RNFT2: variants seen among roughly 807,000 people sequenced by gnomAD.
The protein encoded by RNFT2 is E3 ubiquitin-protein ligase RNFT2.
Under a neutral mutation model 53.0 loss-of-function variants are expected in RNFT2, and 36 were observed. That is an observed-to-expected ratio of 0.68 (90% CI 0.52 to 0.90). RNFT2 has a LOEUF of 0.90. RNFT2 is among the 40% of genes least tolerant of loss of function. The pLI is 0.00. For missense variants in RNFT2, 514 were observed against 585.6 expected, an observed-to-expected ratio of 0.88 and a Z score of 1.26; for synonymous variants, 260 against 253.2, an observed-to-expected ratio of 1.03 and a Z score of -0.26.
At chr12:116,799,397 A>G (rs1291385229) in intron 7 of RNFT2, among the ~76,000 whole-genome samples, 11 of 152,172 alleles carry the variant, frequency 7.2e-5, no homozygotes, top group Non-Finnish European at 1.5e-4. Flanking sequence ...CCTCAATTAT[A>G]TCTCCAAAAT....
intron 5 of RNFT2, among the ~76,000 whole-genome samples, chr12:116,760,584 C>A (rs990952808): frequency 3.3e-5 from 5 of 152,152 alleles, no homozygotes; most frequent in African/African-American, 4.8e-5. Context: ...AAGTTGGAAA[C>A]TTCTCCTGCA....
chr12:116,849,515 G>A lies in RNFT2; in HGVS notation c.*67G>A. On this transcript the variant is annotated 3_prime_UTR_variant, in exon 11 of 11. Transcript: ENST00000257575. ...CATGCCCGGACCCAGCCCTGCGGGG[G>A]CTTCCTGAGAAACAGGCCTCAAGCA... The A allele has an allele frequency of 6.7e-7, 1 of 1,495,462 alleles. No homozygotes were observed. The allele number at this position is 1,495,462 out of a possible 1,614,324, so 92.6% of individuals were successfully genotyped here. A position where few individuals can be genotyped will look rare whatever the true frequency, so the allele number is the denominator to read the frequency against.
At chr12:116,819,015 C>G (rs1875845284) in intron 7 of RNFT2, among the ~76,000 whole-genome samples, 1 of 152,232 alleles carries the variant, frequency 6.6e-6, no homozygotes, top group African/African-American at 2.4e-5. Flanking sequence ...GCCACCCTTC[C>G]CTACGTGGGT....
intron 7 of RNFT2, among the ~76,000 whole-genome samples, chr12:116,789,515 G>A (rs1592959497): frequency 6.9e-6 from 1 of 145,062 alleles, no homozygotes; most frequent in Non-Finnish European, 1.5e-5. Context: ...GTAAATGGGA[G>A]GAGAGTGGAT....
At position 116,851,461 on chromosome 12, in the gene RNFT2, G is replaced by A. The variant is rs1337007115; in HGVS notation, c.*2013G>A. On this transcript the variant is annotated 3_prime_UTR_variant, in exon 11 of 11. Transcript: ENST00000257575. ...GTCTTCTAAAAGCACACGAGAGGCC[G>A]GGTGTGGTGGCCCATGCCTGTAGTG... 15 of 420,446 alleles carry A rather than the reference G, an allele frequency of 3.6e-5. No homozygotes were observed. Among genetic ancestry groups the A allele is most frequent in the Non-Finnish European group, 4.4e-5 (10 of 229,168 alleles). The allele number at this position is 420,446 out of a possible 1,614,324, so 26.0% of individuals were successfully genotyped here. A position where few individuals can be genotyped will look rare whatever the true frequency, so the allele number is the denominator to read the frequency against.
Position 116,828,645 on chromosome 12 carries a change from A to C in RNFT2, c.883-5147A>C, listed in dbSNP as rs1272623690. On this transcript the variant is annotated intron_variant, in intron 7 of 10. Transcript: ENST00000257575. ...TAGGTGTCCAGAAATGGAAGCAAGG[A>C]TGGGAGGGAAGAAGAAAGGGAGTGG... is the stretch of plus-strand genomic sequence containing the variant. 2.0e-5 allele frequency among the ~76,000 whole-genome samples: 3 copies of C among 152,024 alleles called. No homozygotes were observed. The East Asian group carries it at 5.8e-4, about 29-fold the overall frequency.
intron 5 of RNFT2, among the ~76,000 whole-genome samples, chr12:116,757,598 C>A (rs1872560370): frequency 6.6e-6 from 1 of 152,056 alleles, no homozygotes; most frequent in South Asian, 2.1e-4. Flanking sequence ...CATTCAGGAG[C>A]AGGTTATTTA....
In RNFT2 at chr12:116,849,826, C is replaced by CACCT. The variant is rs1877821342; in HGVS notation, c.*378_*379insACCT. On this transcript the variant is annotated 3_prime_UTR_variant, in exon 11 of 11. Transcript: ENST00000257575. ...TCTCTCTCTCTGTTTCCCTCCCTCCCTCCTTCCTTCCTTCCTTCCTTTTTT... is the reference window on the plus strand; with the variant it reads ...TCTCTCTCTCTGTTTCCCTCCCTCCCACCTTCCTTCCTTCCTTCCTTCCTTTTTT... The CACCT allele has an allele frequency of 2.0e-5, 3 of 150,816 alleles. No individual in the cohort carries two copies. Among genetic ancestry groups the CACCT allele is most frequent in the Non-Finnish European group, 3.1e-5 (3 of 96,414 alleles). The allele number at this position is 150,816 out of a possible 1,614,324, so 9.3% of individuals were successfully genotyped here. A position where few individuals can be genotyped will look rare whatever the true frequency, so the allele number is the denominator to read the frequency against.
rs911126483 is a variant in RNFT2 at position 116,853,331 on chromosome 12, G to A, written c.*3883G>A. The stretch of plus-strand genomic sequence containing the variant: ...TATGATTCACTGACTCAAGTTCCAC[G>A]AAGTCCTTAGAAATGGACCTCTTCA... On this transcript the variant is annotated 3_prime_UTR_variant, in exon 11 of 11. Coordinates refer to ENST00000257575, the MANE Select transcript of RNFT2 (RefSeq NM_001382266.1). 8 of 397,122 alleles carry A rather than the reference G, an allele frequency of 2.0e-5. No homozygotes were observed. Among genetic ancestry groups the A allele is most frequent in the Admixed American group, 1.3e-4 (3 of 22,656 alleles). The allele number at this position is 397,122 out of a possible 1,614,324, so 24.6% of individuals were successfully genotyped here. A position where few individuals can be genotyped will look rare whatever the true frequency, so the allele number is the denominator to read the frequency against.
intron 7 of RNFT2, among the ~76,000 whole-genome samples, chr12:116,818,366 G>C (rs1342417410): frequency 6.6e-6 from 1 of 151,960 alleles, no homozygotes; most frequent in Non-Finnish European, 1.5e-5. Flanking sequence ...ACCTGGGCTG[G>C]TAATATCCCT....
rs771617567 is a variant in RNFT2, at chr12:116,766,855, T to C, written c.669T>C (p.Phe223=). 6 of 1,599,226 alleles carry C rather than the reference T, an allele frequency of 3.8e-6. No homozygotes were observed. The highest frequency in any genetic ancestry group is 5.1e-6 in the Non-Finnish European group (6 of 1,172,576). ...SVLVILWILA[F]LAGNTLYVLY... ...TGGTCATCTTGTGGATCCTGGCCTT[T>C]CTGGCGGGGAACACCCTCTATGTGC... is the stretch of plus-strand genomic sequence containing the variant. The change falls in exon 6 of 11, where the codon TTT becomes TTC. Residue 223 remains phenylalanine, a synonymous_variant. Coordinates refer to ENST00000257575, the MANE Select transcript of RNFT2 (RefSeq NM_001382266.1).
intron 6 of RNFT2, among the ~76,000 whole-genome samples, chr12:116,772,625 T>C (rs79932938): frequency 0.017 from 2,602 of 152,058 alleles, 100 homozygotes; most frequent in East Asian, 0.15. Flanking sequence ...TTATTTTTAA[T>C]TGTGAAAATT....
chr12:116,754,061 G>A lies in RNFT2; in HGVS notation c.627+1G>A. The A allele has an allele frequency of 5.0e-6, 8 of 1,613,332 alleles. No individual in the cohort carries two copies. Among genetic ancestry groups the A allele is most frequent in the Non-Finnish European group, 6.8e-6 (8 of 1,179,466 alleles). ...GCTTCGAGAACAGGTCTCACTGAAGGTGAGTCACTTTCCGACCTAGTCTCC... is the reference window on the plus strand; with the variant it reads ...GCTTCGAGAACAGGTCTCACTGAAGATGAGTCACTTTCCGACCTAGTCTCC... On this transcript the variant is annotated splice_donor_variant, in intron 5 of 10. Coordinates refer to ENST00000257575, the MANE Select transcript of RNFT2 (RefSeq NM_001382266.1). LOFTEE classifies it high-confidence loss of function.
At chr12:116,825,582 G>A (rs1462369706) in intron 7 of RNFT2, among the ~76,000 whole-genome samples, 2 of 152,222 alleles carry the variant, frequency 1.3e-5, no homozygotes, top group Non-Finnish European at 2.9e-5. Flanking sequence ...AGAGCCAATG[G>A]TTACATTTTC....
chr12:116,763,674 G>A (rs1872785141), intron 5 of RNFT2, among the ~76,000 whole-genome samples: 1 of 151,890 alleles, frequency 6.6e-6, no homozygotes, highest in African/African-American at 2.4e-5. Flanking sequence ...AGCTACTCGG[G>A]AGGCTGAGGC....
At chr12:116,832,144 A>ATATATATAT (rs1414365866) in intron 7 of RNFT2, among the ~76,000 whole-genome samples, 24 of 52,270 alleles carry the variant, frequency 4.6e-4, no homozygotes, top group Middle Eastern at 9.1e-3. Context: ...AAAAAAAAAA[A>ATATATATAT]AAAAATATAT....
chr12:116,744,558 C>A (rs946968960), intron 3 of RNFT2, among the ~76,000 whole-genome samples: 7 of 152,142 alleles, frequency 4.6e-5, no homozygotes, highest in African/African-American at 1.7e-4. Context: ...AGATTTGGGC[C>A]CCCATCCCTG....
chr12:116,776,815 G>A (rs1873448799), intron 6 of RNFT2, among the ~76,000 whole-genome samples: 1 of 152,030 alleles, frequency 6.6e-6, no homozygotes, highest in South Asian at 2.1e-4. Context: ...GACCAGCGTG[G>A]GTTGAGTACT....
At chr12:116,834,470 A>G (rs538086436) in intron 8 of RNFT2, among the ~76,000 whole-genome samples, 3 of 152,240 alleles carry the variant, frequency 2.0e-5, no homozygotes, top group South Asian at 2.1e-4. Context: ...CGGATTCACA[A>G]TGTCACACAA....
Sources: gnomAD v4.1 joint callset for allele counts (sites outside exome capture counted in the v4.1 genomes callset) on GRCh38, gnomAD v4.1.1 for gene constraint, MANE v1.5 for transcripts, NCBI Gene and HGNC (gene_info 2026-07-23, HGNC 2026-07-21) for gene names.